ZFHX3: variants seen among roughly 807,000 people sequenced by gnomAD.
ZFHX3 encodes zinc finger homeobox 3.
Under a neutral mutation model 279.1 loss-of-function variants are expected in ZFHX3, and 42 were observed. That is an observed-to-expected ratio of 0.15 (90% CI 0.12 to 0.19). The LOEUF (loss-of-function observed/expected upper bound fraction) is 0.19. ZFHX3 is among the 10% of genes least tolerant of loss of function. The pLI, the probability that ZFHX3 is intolerant of heterozygous loss-of-function variation, is 1.00. For synonymous variants in ZFHX3, 2,293 were observed against 1,957.8 expected, an observed-to-expected ratio of 1.17 and a Z score of -4.52; for missense variants, 4,981 against 4,754.0, an observed-to-expected ratio of 1.05 and a Z score of -1.40.
chr16:73,588,017 C>A (rs2051945302), intron 2 of ZFHX3, among the ~76,000 whole-genome samples: 1 of 152,056 alleles, frequency 6.6e-6, no homozygotes, highest in South Asian at 2.1e-4. Flanking sequence ...AACGGTAAAG[C>A]AAATATCAGC....
intron 1 of ZFHX3, among the ~76,000 whole-genome samples, chr16:73,772,862 T>A (rs1344434076): frequency 6.6e-6 from 1 of 152,214 alleles, no homozygotes; most frequent in East Asian, 1.9e-4. Context: ...AATTCTTGCT[T>A]TGGGAGAATC....
chr16:73,286,504 C>T (rs558815951), intron 4 of ZFHX3, among the ~76,000 whole-genome samples: 3 of 152,212 alleles, frequency 2.0e-5, no homozygotes, highest in East Asian at 1.9e-4. Context: ...TTCCAGACCC[C>T]GGTCTCCTTG....
chr16:73,688,421 C>T (rs11150003), intron 1 of ZFHX3, among the ~76,000 whole-genome samples: 98,210 of 150,340 alleles, frequency 0.65, 33,723 homozygotes, highest in East Asian at 0.85. Flanking sequence ...AGAGGTGGAG[C>T]CATTGAGAGG....
chr16:72,853,955 A>G (rs753979754), intron 4 of ZFHX3, among the ~76,000 whole-genome samples: 9 of 151,966 alleles, frequency 5.9e-5, no homozygotes, highest in Admixed American at 1.3e-4. Context: ...TGAGAAGGAA[A>G]AAAAAAAAAG....
intron 5 of ZFHX3, among the ~76,000 whole-genome samples, chr16:73,211,210 T>A (rs906717727): frequency 6.6e-6 from 1 of 152,164 alleles, no homozygotes; most frequent in African/African-American, 2.4e-5. Context: ...TTCACAATCA[T>A]TTTTTACCAA....
intron 3 of ZFHX3, among the ~76,000 whole-genome samples, chr16:73,371,867 G>A (rs2016637310): frequency 6.6e-6 from 1 of 152,188 alleles, no homozygotes; most frequent in Non-Finnish European, 1.5e-5. Flanking sequence ...TCCCATTCAA[G>A]GTCTCGGCCC....
chr16:73,451,547 G>C (rs2018281715), intron 3 of ZFHX3, among the ~76,000 whole-genome samples: 1 of 152,154 alleles, frequency 6.6e-6, no homozygotes, highest in Non-Finnish European at 1.5e-5. Context: ...AGGCATTCTT[G>C]TTCAAGAAAG....
At chr16:73,634,468 T>G (rs977538679) in intron 2 of ZFHX3, among the ~76,000 whole-genome samples, 9 of 142,574 alleles carry the variant, frequency 6.3e-5, no homozygotes, top group African/African-American at 2.3e-4. Flanking sequence ...ATATAAAATA[T>G]ATATGTAAAA....
intron 2 of ZFHX3, among the ~76,000 whole-genome samples, chr16:73,531,676 C>G (rs923031441): frequency 4.3e-5 from 6 of 139,752 alleles, no homozygotes; most frequent in East Asian, 2.1e-4. Context: ...GATCATGCCA[C>G]TGCACTCCAG....
In ZFHX3 at chr16:73,013,933, G is replaced by A. The variant is rs117499681; in HGVS notation, c.-50+33819C>T. ...CCTAATATCCGTAACCTACAAATAT[G>A]TTACCTTCTACAGCAAAGGAAACTT... is the stretch of plus-strand genomic sequence containing the variant. On this transcript the variant is annotated intron_variant, in intron 1 of 9. Coordinates refer to ENST00000268489, the MANE Select transcript of ZFHX3 (RefSeq NM_006885.4). Among the ~76,000 whole-genome samples, 495 of 152,268 alleles carry A rather than the reference G, an allele frequency of 3.3e-3. 3 individuals carry two copies. Among genetic ancestry groups the A allele is most frequent in the Middle Eastern group, 0.02 (6 of 294 alleles).
intron 4 of ZFHX3, among the ~76,000 whole-genome samples, chr16:72,877,063 C>G: frequency 6.6e-6 from 1 of 152,050 alleles, no homozygotes; most frequent in Non-Finnish European, 1.5e-5. Context: ...CTACCAAAAC[C>G]AAAAAATAGT....
chr16:73,278,588 G>A (rs2014369424), intron 4 of ZFHX3, among the ~76,000 whole-genome samples: 1 of 152,236 alleles, frequency 6.6e-6, no homozygotes, highest in African/African-American at 2.4e-5. Context: ...AGTAGGAGGT[G>A]CTGGCTGGGG....
intron 1 of ZFHX3, among the ~76,000 whole-genome samples, chr16:73,001,725 T>C (rs760106699): frequency 6.6e-6 from 1 of 150,642 alleles, no homozygotes; most frequent in Non-Finnish European, 1.5e-5. Flanking sequence ...GAGGCTGAGG[T>C]GGAAGGATGC....
intron 3 of ZFHX3, among the ~76,000 whole-genome samples, chr16:73,340,686 C>T (rs1209697396): frequency 6.6e-6 from 1 of 152,118 alleles, no homozygotes; most frequent in Non-Finnish European, 1.5e-5. Context: ...GATCTTTTTA[C>T]TTGGTGGTGC....
intron 5 of ZFHX3, among the ~76,000 whole-genome samples, chr16:73,179,844 T>G (rs985296594): frequency 7.2e-5 from 11 of 152,282 alleles, no homozygotes; most frequent in African/African-American, 2.4e-4. Flanking sequence ...TAGAGCATTT[T>G]GCCCTTCAGA....
At chr16:73,498,976 A>G (rs1279121098) in intron 2 of ZFHX3, among the ~76,000 whole-genome samples, 1 of 152,214 alleles carries the variant, frequency 6.6e-6, no homozygotes, top group East Asian at 1.9e-4. Flanking sequence ...ACTCTCACCC[A>G]TAACCCATTC....
At chr16:73,506,024 G>A (rs1418898570) in intron 2 of ZFHX3, among the ~76,000 whole-genome samples, 4 of 152,192 alleles carry the variant, frequency 2.6e-5, no homozygotes, top group Non-Finnish European at 4.4e-5. Flanking sequence ...ACACGACAGC[G>A]GAAGGTGGGG....
At chr16:73,649,268 A>G (rs1032421983) in intron 2 of ZFHX3, among the ~76,000 whole-genome samples, 1 of 152,096 alleles carries the variant, frequency 6.6e-6, no homozygotes, top group African/African-American at 2.4e-5. Flanking sequence ...AAAGCTTGCA[A>G]TGTCTTAGAA....
rs931692975 is a variant in ZFHX3, at chr16:73,267,949, A to G, written c.-1193-10813T>C. ...TGATGTCCCCTCATCACCGCCTCTC[A>G]GTGTATCTGTTGGTAAAAATGGAAA... On this transcript the variant is annotated intron_variant, in intron 4 of 17. Transcript: ENST00000641206. 7.2e-5 allele frequency among the ~76,000 whole-genome samples: 11 copies of G among 152,128 alleles called. No homozygotes were observed. In the East Asian group the frequency reaches 2.1e-3, roughly 29 times the overall value.
Sources: allele counts gnomAD v4.1 joint callset (sites outside exome capture counted in the v4.1 genomes callset), GRCh38; gene constraint gnomAD v4.1.1; transcripts MANE v1.5; gene names NCBI Gene and HGNC (gene_info 2026-07-23, HGNC 2026-07-21).